CHRNB4: variants seen among roughly 807,000 people sequenced by gnomAD.
CHRNB4 encodes the protein cholinergic receptor nicotinic beta 4 subunit, also known as neuronal acetylcholine receptor subunit beta-4.
Under a neutral mutation model 40.4 loss-of-function variants are expected in CHRNB4, and 23 were observed. The ratio of observed to expected loss-of-function variants is 0.57; its 90% confidence interval spans 0.41 to 0.81. CHRNB4 has a LOEUF of 0.81. Among genes scored for constraint, CHRNB4 ranks in the 30% least tolerant of loss-of-function variants. CHRNB4 has a pLI of 0.00. For missense variants in CHRNB4, 568 were observed against 670.6 expected (o/e 0.85, Z 1.69); for synonymous variants, 285 against 274.4 (o/e 1.04, Z -0.38).
intron 4 of CHRNB4, 69 bp downstream of exon 4, chr15:78,631,007 T>C: frequency 5.6e-6 from 7 of 1,246,858 alleles, no homozygotes; most frequent in Middle Eastern, 1.9e-4. Flanking sequence ...CAGGCCTGGA[T>C]GACTCTTAGG....
At chr15:78,648,234 A>G (rs547698685) in intron 7 of CHRNB4, among the ~76,000 whole-genome samples, 18 of 151,592 alleles carry the variant, frequency 1.2e-4, no homozygotes, top group Non-Finnish European at 2.1e-4. Context: ...TCTACTAAAA[A>G]TACAAAAAAT....
At chr15:78,643,993 CAAAAA>C (rs34477808), upstream of CHRNB4, among the ~76,000 whole-genome samples, 7 of 115,956 alleles carry the variant, frequency 6.0e-5, no homozygotes, top group East Asian at 1.0e-3. Context: ...ACTAAAAATA[CAAAAA>C]AAAAAAAAAA....
chr15:78,650,003 TTTTG>T (rs998956456), intron 6 of CHRNB4, among the ~76,000 whole-genome samples: 1 of 129,348 alleles, frequency 7.7e-6, no homozygotes, highest in African/African-American at 2.6e-5. Flanking sequence ...ATTTTATCAA[TTTTG>T]TTTTTTTTAA....
chr15:78,641,858 C>T (rs1440126977), upstream of CHRNB4, among the ~76,000 whole-genome samples: 2 of 152,210 alleles, frequency 1.3e-5, no homozygotes, highest in African/African-American at 4.8e-5. Context: ...TCAAGCACAT[C>T]CCTCTACTAG....
intron 5 of CHRNB4, chr15:78,626,308 G>C (rs2053651585): frequency 6.7e-6 from 1 of 149,638 alleles, no homozygotes; most frequent in African/African-American, 2.5e-5. Context: ...GGCTTTCCTG[G>C]GTTTCTTTTT....
chr15:78,637,620 G>A (rs1393264143), intron 1 of CHRNB4, among the ~76,000 whole-genome samples: 11 of 152,164 alleles, frequency 7.2e-5, no homozygotes, highest in Non-Finnish European at 1.2e-4. Context: ...GGTAGGGCCA[G>A]AAGGCCCAGA....
intron 1 of CHRNB4, 38 bp from the exon 2 acceptor site, chr15:78,635,625 G>T: frequency 1.2e-6 from 2 of 1,610,880 alleles, no homozygotes; most frequent in Non-Finnish European, 1.7e-6. Context: ...GGGCCCTTGT[G>T]CACCTGACCC....
At chr15:78,646,057 C>CAAA (rs370310559), upstream of CHRNB4, among the ~76,000 whole-genome samples, 12 of 113,606 alleles carry the variant, frequency 1.1e-4, no homozygotes, top group African/African-American at 2.2e-4. Context: ...GAGACCGTCT[C>CAAA]AAAAAAAAAA....
chr15:78,635,993 T>C (rs1191554683), intron 1 of CHRNB4, among the ~76,000 whole-genome samples: 3 of 151,622 alleles, frequency 2.0e-5, no homozygotes, highest in African/African-American at 7.3e-5. Context: ...CTGCAACCTC[T>C]GCCACCTGAG....
At chr15:78,640,811 ACACTCGCCC>A (rs2054054862) in intron 1 of CHRNB4, among the ~76,000 whole-genome samples, 2 of 152,144 alleles carry the variant, frequency 1.3e-5, no homozygotes, top group Admixed American at 6.5e-5. Flanking sequence ...CAGCCCACAG[ACACTCGCCC>A]TGGAGGGTGG....
At chr15:78,642,634 G>C (rs1879020107), upstream of CHRNB4, among the ~76,000 whole-genome samples, 1 of 152,168 alleles carries the variant, frequency 6.6e-6, no homozygotes, top group South Asian at 2.1e-4. Context: ...CAGGAGCTTG[G>C]AAAGGACATA....
upstream of CHRNB4, among the ~76,000 whole-genome samples, chr15:78,645,103 C>T (rs1480037980): frequency 6.6e-6 from 1 of 152,126 alleles, no homozygotes; most frequent in African/African-American, 2.4e-5. Flanking sequence ...AGCCCACACC[C>T]CCAGCCACCT....
chr15:78,632,505 T>C (rs1167964402), intron 2 of CHRNB4, among the ~76,000 whole-genome samples: 1 of 151,944 alleles, frequency 6.6e-6, no homozygotes, highest in African/African-American at 2.4e-5. Context: ...GAGATGGGGA[T>C]TCATCATGAT....
At chr15:78,651,313 A>T (rs989087775) in intron 6 of CHRNB4, among the ~76,000 whole-genome samples, 2 of 152,076 alleles carry the variant, frequency 1.3e-5, no homozygotes, top group Admixed American at 6.6e-5. Context: ...GATCAAATTC[A>T]CCCCTTGGTT....
chr15:78,639,158 C>T (rs1323309331), intron 1 of CHRNB4, among the ~76,000 whole-genome samples: 1 of 152,262 alleles, frequency 6.6e-6, no homozygotes, highest in East Asian at 1.9e-4. Context: ...TTTTGGAATA[C>T]AAACTACAGA....
At chr15:78,654,665 A>G (rs1021964399) in intron 5 of CHRNB4, among the ~76,000 whole-genome samples, 1 of 152,162 alleles carries the variant, frequency 6.6e-6, no homozygotes, top group Non-Finnish European at 1.5e-5. Context: ...TCATCCCTAT[A>G]CTGTCTGTAA....
At chr15:78,660,272 C>G (rs2054241318) in intron 1 of CHRNB4, among the ~76,000 whole-genome samples, 1 of 151,980 alleles carries the variant, frequency 6.6e-6, no homozygotes, top group Non-Finnish European at 1.5e-5. Context: ...ACTCTGGGCA[C>G]ACTGCCTATG....
upstream of CHRNB4, among the ~76,000 whole-genome samples, chr15:78,642,895 G>A (rs2054093484): frequency 6.6e-6 from 1 of 152,140 alleles, no homozygotes; most frequent in South Asian, 2.1e-4. Context: ...CATTGCTTCT[G>A]GAGCCAGGCA....
intron 2 of CHRNB4, chr15:78,634,594 A>G (rs1246717195): frequency 1.9e-5 from 8 of 410,776 alleles, no homozygotes; most frequent in African/African-American, 1.4e-4. Flanking sequence ...TGCTAGAGAG[A>G]GAGTCTGGCA....
Sources: gnomAD v4.1 joint callset for allele counts (sites outside exome capture counted in the v4.1 genomes callset) on GRCh38, gnomAD v4.1.1 for gene constraint, MANE v1.5 for transcripts, NCBI Gene and HGNC (gene_info 2026-07-23, HGNC 2026-07-21) for gene names.